Variants in MECOM observed in about 807,000 individuals in gnomAD.
MECOM encodes the protein MDS1 and EVI1 complex locus.
A neutral mutation model predicts 116.3 loss-of-function variants in MECOM; 13 were observed. That is an observed-to-expected ratio of 0.11 (90% CI 0.07 to 0.18). The LOEUF (loss-of-function observed/expected upper bound fraction) is 0.18, where lower values mean the gene tolerates loss of function less well. Among genes scored for constraint, MECOM ranks in the 10% least tolerant of loss-of-function variants. MECOM has a pLI of 1.00. For synonymous variants in MECOM, 528 were observed against 535.2 expected, an observed-to-expected ratio of 0.99 and a Z score of 0.19; for missense variants, 1,299 against 1,509.0, an observed-to-expected ratio of 0.86 and a Z score of 2.31.
chr3:169,584,028 A>G (rs1366100889), intron 1 of MECOM, among the ~76,000 whole-genome samples: 1 of 152,180 alleles, frequency 6.6e-6, no homozygotes, highest in African/African-American at 2.4e-5. Flanking sequence ...GCAAGCCCCA[A>G]TTATTCTAAA....
At chr3:169,184,134 G>A (rs912923539) in intron 2 of MECOM, among the ~76,000 whole-genome samples, 12 of 152,146 alleles carry the variant, frequency 7.9e-5, no homozygotes, top group African/African-American at 2.9e-4. Flanking sequence ...AAAGTGCTGG[G>A]ATTACAGGCT....
intron 1 of MECOM, among the ~76,000 whole-genome samples, chr3:169,456,811 T>G (rs1746590298): frequency 6.6e-6 from 1 of 152,156 alleles, no homozygotes; most frequent in African/African-American, 2.4e-5. Flanking sequence ...TAACCAGTAT[T>G]AGTAATAAAC....
rs1267984780 is a variant in MECOM at position 169,134,675 on chromosome 3, GT to G, written c.511-3145del. On this transcript the variant is annotated intron_variant, in intron 3 of 16. Coordinates refer to ENST00000651503, the MANE Select transcript of MECOM (RefSeq NM_004991.4). ...TCTTCATTACCTCTCATCCCTTAGG[GT>G]TTTGGAGACACTTAAGCAACATTGT... is the stretch of plus-strand genomic sequence containing the variant. Among the ~76,000 whole-genome samples the G allele has an allele frequency of 2.6e-5, 4 of 152,152 alleles. No homozygotes were observed. The East Asian group carries it at 7.7e-4, about 29-fold the overall frequency.
At chr3:169,176,085 C>T (rs1174717893) in intron 2 of MECOM, among the ~76,000 whole-genome samples, 2 of 133,920 alleles carry the variant, frequency 1.5e-5, no homozygotes, top group African/African-American at 5.8e-5. Flanking sequence ...ATAAAATACA[C>T]TAACACTAAT....
At chr3:169,133,665 TA>T (rs759637889) in intron 3 of MECOM, among the ~76,000 whole-genome samples, 3 of 152,008 alleles carry the variant, frequency 2.0e-5, no homozygotes, top group Admixed American at 6.6e-5. Context: ...GCTGTTTCTA[TA>T]AAAAAAATAG....
intron 13 of MECOM, among the ~76,000 whole-genome samples, chr3:169,093,410 T>A (rs759787461): frequency 1.8e-4 from 27 of 152,216 alleles, no homozygotes; most frequent in Non-Finnish European, 3.7e-4. Flanking sequence ...ATAATGAGAA[T>A]TTAGAGTGAG....
At chr3:169,229,232 G>C (rs1753095424) in intron 2 of MECOM, among the ~76,000 whole-genome samples, 1 of 152,184 alleles carries the variant, frequency 6.6e-6, no homozygotes, top group Non-Finnish European at 1.5e-5. Context: ...GGCCTGTTGG[G>C]ACTGTGATTA....
chr3:169,287,427 T>C (rs985492120), intron 2 of MECOM, among the ~76,000 whole-genome samples: 1 of 152,226 alleles, frequency 6.6e-6, no homozygotes, highest in Non-Finnish European at 1.5e-5. Context: ...ACATGATGGA[T>C]GACCTTATTT....
At position 169,115,556 on chromosome 3, in the gene MECOM, G is replaced by A; in HGVS notation, c.2316C>T (p.Pro772=). The change falls in exon 8 of 17, where the codon CCC becomes CCT. Residue 772 remains proline (P), a synonymous_variant. Transcript: ENST00000651503. ...PVTPATSQDQ[P]LDLSMGSRSR... Reference sequence around the variant, plus strand: ...TCCTACTGCCCATACTTAGATCCAGGGGCTGGTCTTGGCTTGTGGCAGGTG... The same window carrying A: ...TCCTACTGCCCATACTTAGATCCAGAGGCTGGTCTTGGCTTGTGGCAGGTG... 6.2e-7 allele frequency: 1 copy of A among 1,614,064 alleles called. No homozygotes were observed. The highest frequency in any genetic ancestry group is 8.5e-7 in the Non-Finnish European group (1 of 1,180,028).
At chr3:169,447,345 G>T (rs1002096714) in intron 1 of MECOM, among the ~76,000 whole-genome samples, 1 of 152,088 alleles carries the variant, frequency 6.6e-6, no homozygotes, top group African/African-American at 2.4e-5. Flanking sequence ...GTAAATTTTA[G>T]TTGACTGGGG....
chr3:169,139,974 A>C (rs953641635), intron 3 of MECOM, among the ~76,000 whole-genome samples: 5 of 148,840 alleles, frequency 3.4e-5, no homozygotes, highest in East Asian at 2.0e-4. Context: ...AAAAAAAAAA[A>C]CAATATATCA....
chr3:169,428,376 T>A (rs1163433382), intron 1 of MECOM, among the ~76,000 whole-genome samples: 2 of 152,148 alleles, frequency 1.3e-5, no homozygotes, highest in Non-Finnish European at 2.9e-5. Flanking sequence ...AGAGCCTAGA[T>A]CCTTCACATG....
intron 2 of MECOM, among the ~76,000 whole-genome samples, chr3:169,288,228 TAA>T (rs11425785): frequency 2.1e-5 from 3 of 140,112 alleles, no homozygotes; most frequent in Non-Finnish European, 4.8e-5. Context: ...CAAGTTTTAG[TAA>T]AAAAAAAAAA....
intron 1 of MECOM, among the ~76,000 whole-genome samples, chr3:169,573,988 C>T (rs756714499): frequency 6.6e-6 from 1 of 152,090 alleles, no homozygotes; most frequent in Non-Finnish European, 1.5e-5. Flanking sequence ...GCTGAACAGA[C>T]AGTATGTATG....
chr3:169,469,258 A>C (rs535059815), intron 1 of MECOM, among the ~76,000 whole-genome samples: 1 of 152,314 alleles, frequency 6.6e-6, no homozygotes, highest in Non-Finnish European at 1.5e-5. Flanking sequence ...CAGAACAAGC[A>C]GTATAAGAAA....
intron 1 of MECOM, among the ~76,000 whole-genome samples, chr3:169,395,144 C>T (rs999534702): frequency 1.3e-5 from 2 of 152,016 alleles, no homozygotes; most frequent in Admixed American, 1.3e-4. Flanking sequence ...TCAAGAGAGC[C>T]CAAGTATGAA....
intron 2 of MECOM, among the ~76,000 whole-genome samples, chr3:169,347,254 G>T (rs1204010803): frequency 6.6e-6 from 1 of 151,992 alleles, no homozygotes; most frequent in East Asian, 1.9e-4. Flanking sequence ...GTTAGTGGAT[G>T]GAGACAGGTA....
chr3:169,393,102 A>G (rs554227971), intron 1 of MECOM, among the ~76,000 whole-genome samples: 10 of 152,272 alleles, frequency 6.6e-5, no homozygotes, highest in African/African-American at 1.9e-4. Flanking sequence ...TCTATTGTGA[A>G]TAGGTAGGAC....
intron 2 of MECOM, among the ~76,000 whole-genome samples, chr3:169,298,688 T>A (rs1285094154): frequency 6.6e-6 from 1 of 152,182 alleles, no homozygotes; most frequent in African/African-American, 2.4e-5. Flanking sequence ...TGAAATAATC[T>A]GAATTTATTT....
Sources: gnomAD v4.1 joint callset for allele counts (sites outside exome capture counted in the v4.1 genomes callset) on GRCh38, gnomAD v4.1.1 for gene constraint, MANE v1.5 for transcripts, NCBI Gene and HGNC (gene_info 2026-07-23, HGNC 2026-07-21) for gene names.